The following DLG2 variants were observed in gnomAD, a reference collection of about 807,000 sequenced individuals.
DLG2 encodes the protein disks large homolog 2.
A neutral mutation model predicts 132.5 loss-of-function variants in DLG2; 45 were observed. The ratio of observed to expected loss-of-function variants is 0.34; its 90% CI spans 0.27 to 0.44. The LOEUF (loss-of-function observed/expected upper bound fraction) is 0.44. Ranked by LOEUF, DLG2 falls within the 20% of genes least tolerant of loss-of-function variation. The pLI, the probability that DLG2 is intolerant of heterozygous loss-of-function variation, is 1.00. For synonymous variants in DLG2, 424 were observed against 419.6 expected (o/e 1.01, Z -0.13); for missense variants, 1,045 against 1,196.9 (o/e 0.87, Z 1.87).
At chr11:84,834,108 T>C (rs1263727268) in intron 6 of DLG2, among the ~76,000 whole-genome samples, 7 of 151,690 alleles carry the variant, frequency 4.6e-5, no homozygotes, top group African/African-American at 1.7e-4. Flanking sequence ...GAAAACCCTT[T>C]AGAGAGGACA....
At chr11:85,114,063 C>T (rs1406154546) in intron 5 of DLG2, among the ~76,000 whole-genome samples, 8 of 152,058 alleles carry the variant, frequency 5.3e-5, no homozygotes, top group East Asian at 1.9e-4. Context: ...TCTACCACTT[C>T]GCTCTACTTC....
chr11:83,850,061 C>A (rs968422777), intron 16 of DLG2, among the ~76,000 whole-genome samples: 2 of 151,290 alleles, frequency 1.3e-5, no homozygotes, highest in African/African-American at 4.9e-5. Context: ...CCTAGGGGGA[C>A]AGGGAGGTAA....
intron 6 of DLG2, among the ~76,000 whole-genome samples, chr11:84,777,634 T>G (rs1392162215): frequency 6.6e-6 from 1 of 151,928 alleles, no homozygotes; most frequent in Non-Finnish European, 1.5e-5. Context: ...ATTTATTTAT[T>G]TATTTTGTTT....
chr11:85,567,135 A>T (rs557427941), intron 3 of DLG2, among the ~76,000 whole-genome samples: 1 of 152,288 alleles, frequency 6.6e-6, no homozygotes, highest in African/African-American at 2.4e-5. Flanking sequence ...TTTCTTTTCA[A>T]GATTGTATTA....
rs564807098 is a variant in DLG2 at position 84,736,896 on chromosome 11, T to C, written c.358-202165A>G. On this transcript the variant is annotated intron_variant, in intron 6 of 27. Coordinates refer to ENST00000376104, the MANE Select transcript of DLG2 (RefSeq NM_001142699.3). ...GCTGGTTAAAACATCCAGAACAATG[T>C]TGCACAAAAGTAGTGAAAGTGGATA... is the stretch of plus-strand genomic sequence containing the variant. Among the ~76,000 whole-genome samples the C allele has an allele frequency of 3.9e-5, 6 of 152,080 alleles. 1 individual carries two copies. The highest frequency in any genetic ancestry group is 1.4e-4 in the African/African-American group (6 of 41,544).
intron 3 of DLG2, among the ~76,000 whole-genome samples, chr11:85,297,970 C>T (rs12794933): frequency 0.013 from 2,043 of 152,200 alleles, 22 homozygotes; most frequent in Non-Finnish European, 0.023. Context: ...ATGAGGAGGG[C>T]GCCCATGTGA....
chr11:84,607,463 T>TG (rs375175108), intron 6 of DLG2, among the ~76,000 whole-genome samples: 8 of 151,956 alleles, frequency 5.3e-5, no homozygotes, highest in Non-Finnish European at 8.8e-5. Context: ...GTAAGATTTT[T>TG]GGGGGGGCAG....
chr11:84,153,701 G>T (rs1023100032), intron 9 of DLG2, among the ~76,000 whole-genome samples: 2 of 152,088 alleles, frequency 1.3e-5, no homozygotes, highest in African/African-American at 4.8e-5. Context: ...ACTTTAGTTT[G>T]GTTCTCTCTT....
intron 6 of DLG2, among the ~76,000 whole-genome samples, chr11:85,070,756 CT>C (rs1395555714): frequency 1.3e-5 from 2 of 151,794 alleles, no homozygotes; most frequent in Non-Finnish European, 2.9e-5. Flanking sequence ...CCTCTCCCAC[CT>C]TTTTCACAGA....
chr11:85,123,171 G>T (rs1003280234), intron 5 of DLG2, among the ~76,000 whole-genome samples: 15 of 150,944 alleles, frequency 9.9e-5, no homozygotes, highest in African/African-American at 2.7e-4. Context: ...TGAAAACGGG[G>T]TTTCACCGTG....
At chr11:84,892,737 A>T (rs1601028424) in intron 6 of DLG2, among the ~76,000 whole-genome samples, 1 of 152,012 alleles carries the variant, frequency 6.6e-6, no homozygotes, top group Admixed American at 6.6e-5. Context: ...TTTCTGTGAT[A>T]TCCGTTTTCT....
chr11:85,401,978 T>TA (rs200350806), intron 3 of DLG2, among the ~76,000 whole-genome samples: 125,071 of 151,338 alleles, frequency 0.83, 51,942 homozygotes, highest in Middle Eastern at 0.9. Flanking sequence ...TTCAGAGAAT[T>TA]AATAAAAAAC....
chr11:84,572,436 T>A (rs2099487635), intron 6 of DLG2, among the ~76,000 whole-genome samples: 1 of 152,142 alleles, frequency 6.6e-6, no homozygotes, highest in South Asian at 2.1e-4. Flanking sequence ...TAAAGAAGTC[T>A]GGGCTAGACT....
intron 6 of DLG2, among the ~76,000 whole-genome samples, chr11:85,067,420 C>A (rs4335571): frequency 0.029 from 4,452 of 151,934 alleles, 96 homozygotes; most frequent in Non-Finnish European, 0.046. Flanking sequence ...TTCTCTAGTT[C>A]TTTTAATTGT....
At chr11:84,857,262 T>A (rs2082921983) in intron 6 of DLG2, among the ~76,000 whole-genome samples, 1 of 151,832 alleles carries the variant, frequency 6.6e-6, no homozygotes, top group African/African-American at 2.4e-5. Context: ...AATGGGCAGG[T>A]CCTATCAGGA....
intron 6 of DLG2, among the ~76,000 whole-genome samples, chr11:85,066,209 C>A (rs2064899359): frequency 6.6e-6 from 1 of 151,392 alleles, no homozygotes; most frequent in African/African-American, 2.4e-5. Context: ...AAAAGATGAA[C>A]AAATTCCTGG....
At chr11:84,544,376 A>G (rs1296320023) in intron 6 of DLG2, among the ~76,000 whole-genome samples, 1 of 152,230 alleles carries the variant, frequency 6.6e-6, no homozygotes, top group Non-Finnish European at 1.5e-5. Flanking sequence ...TATAATTTAC[A>G]AAGCACTTTC....
chr11:84,711,035 G>A (rs917502915), intron 6 of DLG2, among the ~76,000 whole-genome samples: 1 of 124,682 alleles, frequency 8.0e-6, no homozygotes, highest in Non-Finnish European at 1.6e-5. Context: ...TATATATAGA[G>A]CTGAAAAAAG....
chr11:84,030,358 T>A (rs1485702397), intron 11 of DLG2, among the ~76,000 whole-genome samples: 1 of 152,126 alleles, frequency 6.6e-6, no homozygotes, highest in South Asian at 2.1e-4. Flanking sequence ...AGTTTTTGAA[T>A]AACTCCCCCA....
Sources: gnomAD v4.1 joint callset for allele counts (sites outside exome capture counted in the v4.1 genomes callset) on GRCh38, gnomAD v4.1.1 for gene constraint, MANE v1.5 for transcripts, NCBI Gene and HGNC (gene_info 2026-07-23, HGNC 2026-07-21) for gene names.